The following ECPAS variants were observed in gnomAD, a reference collection of about 807,000 sequenced individuals.
ECPAS encodes Ecm29 proteasome adaptor and scaffold.
A neutral mutation model predicts 255.1 loss-of-function variants in ECPAS; 70 were observed. The observed-to-expected ratio is 0.27, with a 90% CI of 0.23 to 0.33. The LOEUF (loss-of-function observed/expected upper bound fraction) is 0.33, where lower values mean the gene tolerates loss of function less well. Among genes scored for constraint, ECPAS ranks in the 10% least tolerant of loss-of-function variants. The probability of loss-of-function intolerance (pLI) is 1.00; values close to 1 mark genes in which losing one functional copy is unlikely to be tolerated. For synonymous variants in ECPAS, 784 were observed against 775.0 expected, an observed-to-expected ratio of 1.01 and a Z score of -0.19; for missense variants, 1,817 against 2,206.4, an observed-to-expected ratio of 0.82 and a Z score of 3.54.
chr9:111,446,427 A>G (rs1047705040), intron 3 of ECPAS, among the ~76,000 whole-genome samples: 3 of 152,210 alleles, frequency 2.0e-5, no homozygotes, highest in African/African-American at 7.2e-5. Context: ...GGTTTACACT[A>G]TTCTCCCTCA....
Position 111,378,596 on chromosome 9 carries a change from G to T in ECPAS, c.3938C>A (p.Ala1313Glu), listed in dbSNP as rs759133299. 1.9e-6 allele frequency: 3 copies of T among 1,612,982 alleles called. No homozygotes were observed. In the South Asian group the frequency reaches 3.3e-5, roughly 18 times the overall value. ...TCCACTCACCTTTTCTTGCTCTGTCGCCCGGAGGCTCAAATAATTGAGAAC... is the reference window on the plus strand; with the variant it reads ...TCCACTCACCTTTTCTTGCTCTGTCTCCCGGAGGCTCAAATAATTGAGAAC... ...PQVLNYLSLR[A>E]TEQEKAAMDS... Residue 1313 changes from alanine (A) to glutamate (E), a missense_variant, in exon 36 of 50, where the codon GCG (alanine) becomes GAG (glutamate). Ala to Glu is a moderately radical substitution (Grantham distance 107). Transcript: ENST00000684092.
intron 1 of ECPAS, among the ~76,000 whole-genome samples, chr9:111,475,524 C>G (rs1271998826): frequency 6.6e-6 from 1 of 152,186 alleles, no homozygotes; most frequent in Non-Finnish European, 1.5e-5. Flanking sequence ...CACTTGAGGT[C>G]AGGAGTTCAA....
intron 35 of ECPAS, among the ~76,000 whole-genome samples, chr9:111,382,505 T>A (rs1400842958): frequency 6.6e-6 from 1 of 151,978 alleles, no homozygotes; most frequent in Non-Finnish European, 1.5e-5. Context: ...CAACCTCAAG[T>A]GATCCGCCCA....
At chr9:111,368,579 GC>G (rs1344377581) in intron 46 of ECPAS, among the ~76,000 whole-genome samples, 1 of 152,172 alleles carries the variant, frequency 6.6e-6, no homozygotes, top group African/African-American at 2.4e-5. Context: ...AGAAGACAGA[GC>G]CTTTAAAGAG....
chr9:111,460,549 T>C (rs1167253820), intron 2 of ECPAS, among the ~76,000 whole-genome samples: 1 of 152,174 alleles, frequency 6.6e-6, no homozygotes, highest in Non-Finnish European at 1.5e-5. Flanking sequence ...ATTTTCATTA[T>C]TTAAAGATAA....
At chr9:111,470,258 C>G (rs995620735) in intron 2 of ECPAS, among the ~76,000 whole-genome samples, 1 of 152,130 alleles carries the variant, frequency 6.6e-6, no homozygotes. Flanking sequence ...GCATCTGGAT[C>G]TACTACAGGC....
chr9:111,426,193 TC>T (rs2098221296), intron 10 of ECPAS, among the ~76,000 whole-genome samples: 1 of 152,172 alleles, frequency 6.6e-6, no homozygotes, highest in East Asian at 1.9e-4. Context: ...ATGGAAATAT[TC>T]TACAAGTGTC....
chr9:111,413,444 T>C (rs531869379), intron 20 of ECPAS, among the ~76,000 whole-genome samples: 1 of 152,276 alleles, frequency 6.6e-6, no homozygotes, highest in East Asian at 1.9e-4. Context: ...TTTAAATGCA[T>C]GTTTTTATGT....
intron 2 of ECPAS, among the ~76,000 whole-genome samples, chr9:111,463,320 A>G (rs1405602141): frequency 6.6e-6 from 1 of 152,232 alleles, no homozygotes; most frequent in Non-Finnish European, 1.5e-5. Flanking sequence ...CCAGCACTAA[A>G]TTCTATTTTG....
At chr9:111,409,677 A>G (rs544173954) in intron 23 of ECPAS, among the ~76,000 whole-genome samples, 44 of 152,264 alleles carry the variant, frequency 2.9e-4, no homozygotes, top group African/African-American at 1.0e-3. Flanking sequence ...AACTGGCTTT[A>G]GGAGGTTAGG....
At chr9:111,431,114 T>C (rs1217445819) in intron 8 of ECPAS, among the ~76,000 whole-genome samples, 1 of 152,250 alleles carries the variant, frequency 6.6e-6, no homozygotes, top group East Asian at 1.9e-4. Context: ...GCCACCGTAT[T>C]TCTCTAACGT....
chr9:111,370,200 C>T (rs2098125612), intron 45 of ECPAS, among the ~76,000 whole-genome samples: 1 of 152,186 alleles, frequency 6.6e-6, no homozygotes, highest in Non-Finnish European at 1.5e-5. Flanking sequence ...GATGACCACA[C>T]CCTAGAAATG....
chr9:111,371,828 T>C lies in ECPAS; in HGVS notation c.4530A>G (p.Gly1510=), dbSNP rs1166294970. The C allele has an allele frequency of 1.3e-6, 2 of 1,599,476 alleles. No homozygotes were observed. The highest frequency in any genetic ancestry group is 2.7e-5 in the African/African-American group (2 of 74,198). ...WTEVWQENVP[G]SFGGIRLYLQ... is the part of the protein sequence containing the mutation. ...GGTATAATCGAATGCCACCAAAGGA[T>C]CCTAGGAAAGCAAAATTAAAACAAC... Residue 1510 remains glycine (G), a splice_region_variant and synonymous_variant, in exon 43 of 50, where the codon GGA becomes GGG. Transcript: ENST00000684092.
rs549315854 is a variant in ECPAS at position 111,455,682 on chromosome 9, G to A, written c.23-4127C>T. ...AGGGCGGAATTTTGGTACATTTTAG[G>A]AAGAAGGTACCAACATGACCAGCCC... On this transcript the variant is annotated intron_variant, in intron 2 of 49. Transcript: ENST00000684092. 3.9e-5 allele frequency among the ~76,000 whole-genome samples: 6 copies of A among 152,260 alleles called. No individual in the cohort carries two copies. The South Asian group carries it at 1.2e-3, about 32-fold the overall frequency.
intron 16 of ECPAS, 91 bp downstream of exon 16, chr9:111,419,926 T>G (rs2098210729): frequency 2.6e-5 from 25 of 951,136 alleles, no homozygotes; most frequent in Non-Finnish European, 4.0e-5. Flanking sequence ...CTAAATTTCA[T>G]AGACCAACAT....
chr9:111,407,425 A>AG lies in ECPAS; in HGVS notation c.2652+1145_2652+1146insC, dbSNP rs1357114969. On this transcript the variant is annotated intron_variant, in intron 24 of 49. Transcript: ENST00000684092. The stretch of plus-strand genomic sequence containing the variant: ...TCAGAAAAAAAAAAAAAAAAAAAAA[A>AG]AAAAAAAAAAAAACCTAGAAGAAAC... 3.1e-5 allele frequency among the ~76,000 whole-genome samples: 4 copies of AG among 129,264 alleles called. No homozygotes were observed. In the South Asian group the frequency reaches 7.2e-4, roughly 23 times the overall value. 84.8% of individuals were successfully genotyped at this position (129,264 alleles called of 152,430 possible). A position where few individuals can be genotyped will look rare whatever the true frequency, so the allele number is the denominator to read the frequency against.
chr9:111,399,910 G>A (rs2098173164), intron 24 of ECPAS, among the ~76,000 whole-genome samples: 1 of 152,276 alleles, frequency 6.6e-6, no homozygotes, highest in Non-Finnish European at 1.5e-5. Context: ...CGGCAGTCAG[G>A]TGGCCACAGG....
At chr9:111,451,171 A>G (rs2098259845) in intron 3 of ECPAS, among the ~76,000 whole-genome samples, 1 of 152,184 alleles carries the variant, frequency 6.6e-6, no homozygotes, top group Admixed American at 6.5e-5. Flanking sequence ...GCCTCCATAC[A>G]TTCCAGGATA....
At position 111,402,085 on chromosome 9, in the gene ECPAS, A is replaced by G. The variant is rs376920964; in HGVS notation, c.2653-4932T>C. ...AGAGGATTGATTGAGGAAGTGATAA[A>G]TGTCCATGAAATCTTCACAATTTAT... On this transcript the variant is annotated intron_variant, in intron 24 of 49. Coordinates refer to ENST00000684092, the MANE Select transcript of ECPAS (RefSeq NM_001364929.1). Among the ~76,000 whole-genome samples, 42 of 152,374 alleles carry G rather than the reference A, an allele frequency of 2.8e-4. No homozygotes were observed. The South Asian group carries it at 8.7e-3, about 32-fold the overall frequency.
Sources: allele counts gnomAD v4.1 joint callset (sites outside exome capture counted in the v4.1 genomes callset), GRCh38; gene constraint gnomAD v4.1.1; transcripts MANE v1.5; gene names NCBI Gene and HGNC (gene_info 2026-07-23, HGNC 2026-07-21).